The following UGT1A5 variants were observed in gnomAD, a reference collection of about 807,000 sequenced individuals.
UGT1A5 encodes the protein UDP-glucuronosyltransferase 1A5.
Under a neutral mutation model 40.3 loss-of-function variants are expected in UGT1A5, and 29 were observed. The ratio of observed to expected loss-of-function variants is 0.72; its 90% confidence interval spans 0.54 to 0.98. UGT1A5 has a LOEUF of 0.98. Ranked by LOEUF, UGT1A5 falls within the 50% of genes least tolerant of loss-of-function variation. The pLI is 0.00. For synonymous variants in UGT1A5, 257 were observed against 262.5 expected (o/e 0.98, Z 0.20); for missense variants, 678 against 677.9 (o/e 1.00, Z 0.00).
At chr2:233,722,546 CT>C (rs1401717702) in intron 1 of UGT1A5, among the ~76,000 whole-genome samples, 1 of 152,096 alleles carries the variant, frequency 6.6e-6, no homozygotes, top group East Asian at 1.9e-4. Context: ...ATCCTAGTTT[CT>C]TTTGGTTGAT....
rs753512191 is a variant in UGT1A5 at position 233,755,032 on chromosome 2, C to T, written c.868-12002C>T. The T allele has an allele frequency of 5.3e-6, 7 of 1,314,500 alleles. No individual in the cohort carries two copies. In the Admixed American group the frequency reaches 9.5e-5, roughly 18 times the overall value. The allele number at this position is 1,314,500 out of a possible 1,614,324, so 81.4% of individuals were successfully genotyped here. A position where few individuals can be genotyped will look rare whatever the true frequency, so the allele number is the denominator to read the frequency against. ...TCGAAGGGGTCCTTGAAGGGCCTGC[C>T]GCCTGCGCAGCCGCCCTCCGCCCTC... On this transcript the variant is annotated intron_variant, in intron 1 of 4. Coordinates refer to ENST00000373414, the MANE Select transcript of UGT1A5 (RefSeq NM_019078.2).
chr2:233,713,649 C>A lies in UGT1A5; in HGVS notation c.658C>A (p.Leu220Met), dbSNP rs2076336502. 5.6e-6 allele frequency: 9 copies of A among 1,613,872 alleles called. No individual in the cohort carries two copies. The East Asian group carries it at 2.0e-4, about 36-fold the overall frequency. The change falls in exon 1 of 5, where the codon CTG becomes ATG. Residue 220 changes from leucine to methionine, a missense_variant. Transcript: ENST00000373414. ...CAAGAACATGCTCTACCCTCTGGCC[C>A]TGTCCTACCTTTGCCATGCTGTTTC... is the stretch of plus-strand genomic sequence containing the variant. ...RVKNMLYPLA[L>M]SYLCHAVSAP...
At chr2:233,762,868 G>A (rs998975258) in intron 1 of UGT1A5, among the ~76,000 whole-genome samples, 2 of 151,940 alleles carry the variant, frequency 1.3e-5, no homozygotes, top group Non-Finnish European at 2.9e-5. Context: ...AGAAATTTTG[G>A]TTTCTTCTCT....
Position 233,747,361 on chromosome 2 carries a change from A to T in UGT1A5, c.868-19673A>T, listed in dbSNP as rs1260496106. 17 of 1,603,206 alleles carry T rather than the reference A, an allele frequency of 1.1e-5. No individual in the cohort carries two copies. In the African/African-American group the frequency reaches 1.9e-4, roughly 18 times the overall value. On this transcript the variant is annotated intron_variant, in intron 1 of 4. Coordinates refer to ENST00000373414, the MANE Select transcript of UGT1A5 (RefSeq NM_019078.2). Reference sequence around the variant, plus strand: ...GCTCGCATGCGGGAGGCCGTGCGGGAGCTCCATGCCAGAGGCCACCAGGCG... The same window carrying T: ...GCTCGCATGCGGGAGGCCGTGCGGGTGCTCCATGCCAGAGGCCACCAGGCG...
At chr2:233,730,394 T>C (rs1343780073) in intron 1 of UGT1A5, among the ~76,000 whole-genome samples, 2 of 152,242 alleles carry the variant, frequency 1.3e-5, no homozygotes, top group Non-Finnish European at 2.9e-5. Context: ...GATGCAACAG[T>C]AAATTACAAT....
chr2:233,712,970 G>A lies in UGT1A5; in HGVS notation c.-22G>A. The A allele has an allele frequency of 6.2e-7, 1 of 1,613,036 alleles. No homozygotes were observed. ...AGGCACAACGTGGGGTGGACAGTCAGCTGTCGGTGGCTTCTGCTGAGATGG... is the reference window on the plus strand; with the variant it reads ...AGGCACAACGTGGGGTGGACAGTCAACTGTCGGTGGCTTCTGCTGAGATGG... On this transcript the variant is annotated 5_prime_UTR_variant, in exon 1 of 5. Transcript: ENST00000373414.
At chr2:233,763,395 T>C (rs1347086472) in intron 1 of UGT1A5, among the ~76,000 whole-genome samples, 2 of 152,256 alleles carry the variant, frequency 1.3e-5, no homozygotes, top group African/African-American at 2.4e-5. Context: ...TTAAACAACA[T>C]GGCACTGGTA....
chr2:233,760,508 A>G (rs983416663), intron 1 of UGT1A5: 1 of 1,614,272 alleles, frequency 6.2e-7, no homozygotes, highest in Non-Finnish European at 8.5e-7. Flanking sequence ...GGAGCATTTT[A>G]CACCTTGAAG....
chr2:233,742,497 T>C (rs1691999391), intron 1 of UGT1A5, among the ~76,000 whole-genome samples: 1 of 151,968 alleles, frequency 6.6e-6, no homozygotes, highest in Non-Finnish European at 1.5e-5. Flanking sequence ...ATAGGCATCA[T>C]GGCTATCATG....
intron 1 of UGT1A5, among the ~76,000 whole-genome samples, chr2:233,716,770 G>C (rs1477452949): frequency 6.6e-6 from 1 of 152,158 alleles, no homozygotes; most frequent in African/African-American, 2.4e-5. Context: ...GATCACTCAG[G>C]TCAGGCTTTC....
intron 1 of UGT1A5, chr2:233,747,298 G>T: frequency 6.2e-7 from 1 of 1,602,264 alleles, no homozygotes; most frequent in Non-Finnish European, 8.5e-7. Flanking sequence ...GGCTGAGAGT[G>T]GGAAGGTGCT....
intron 1 of UGT1A5, chr2:233,717,875 A>G: frequency 2.2e-6 from 1 of 454,872 alleles, no homozygotes; most frequent in Non-Finnish European, 4.4e-6. Flanking sequence ...GACTTGGAGA[A>G]AAGCCTGGCC....
chr2:233,727,755 T>C (rs79983684), intron 1 of UGT1A5, among the ~76,000 whole-genome samples: 5,633 of 152,308 alleles, frequency 0.037, 134 homozygotes, highest in Non-Finnish European at 0.057. Context: ...TGTGCTGCCC[T>C]TGAGCTGGGT....
Position 233,769,884 on chromosome 2 carries a change from C to T in UGT1A5, c.1307+1445C>T, listed in dbSNP as rs1466829536. On this transcript the variant is annotated intron_variant, in intron 4 of 4. Transcript: ENST00000373414. The surrounding 1 kb of genome is among the most constrained non-coding windows in gnomAD (Gnocchi z 4.4). The stretch of plus-strand genomic sequence containing the variant: ...AAAAAAAAAAAAAAAATGAAAAGTC[C>T]ACATAACCTGAGCATCATGTGCCCA... 5.0e-6 allele frequency: 2 copies of T among 403,872 alleles called. No individual in the cohort carries two copies. Among genetic ancestry groups the T allele is most frequent in the Non-Finnish European group, 8.7e-6 (2 of 230,852 alleles). 25.0% of individuals were successfully genotyped at this position (403,872 alleles called of 1,614,324 possible).
intron 4 of UGT1A5, 26 bp downstream of exon 4, chr2:233,768,465 C>T: frequency 6.2e-7 from 1 of 1,606,188 alleles, no homozygotes; most frequent in Non-Finnish European, 8.5e-7. Context: ...CAGAAGAATA[C>T]TTTGGTCATG....
chr2:233,743,852 G>A (rs770873874), intron 1 of UGT1A5: 10 of 1,367,226 alleles, frequency 7.3e-6, no homozygotes, highest in East Asian at 9.1e-5. Flanking sequence ...CTTGCGGTAC[G>A]CCTTCTTGAT....
At chr2:233,756,155 A>G (rs1696135469) in intron 1 of UGT1A5, 2 of 152,312 alleles carry the variant, frequency 1.3e-5, no homozygotes, top group South Asian at 4.1e-4. Context: ...GATCCCTAGG[A>G]TTTCCTGGCT....
intron 1 of UGT1A5, chr2:233,729,814 C>A (rs776482922): frequency 5.0e-6 from 8 of 1,613,896 alleles, no homozygotes; most frequent in Non-Finnish European, 6.8e-6. Flanking sequence ...TTTTTCTGCT[C>A]CTTATGCAAG....
chr2:233,768,399 G>A lies in UGT1A5; in HGVS notation c.1267G>A (p.Asp423Asn). ...TLNVLEMTSE[D>N]LENALKAVIN... ...GAATGTTCTGGAAATGACTTCTGAA[G>A]ATTTAGAAAATGCTCTAAAAGCAGT... Residue 423 changes from aspartate to asparagine, a missense_variant, in exon 4 of 5, where the codon GAT (aspartate) becomes AAT (asparagine). Physicochemically the swap from Asp to Asn is conservative, Grantham distance 23 (BLOSUM62 1). Coordinates refer to ENST00000373414, the MANE Select transcript of UGT1A5 (RefSeq NM_019078.2). 2 of 1,614,194 alleles carry A rather than the reference G, an allele frequency of 1.2e-6. No individual in the cohort carries two copies. Among genetic ancestry groups the A allele is most frequent in the African/African-American group, 2.7e-5 (2 of 75,034 alleles).
Sources: gnomAD v4.1 joint callset for allele counts (sites outside exome capture counted in the v4.1 genomes callset) on GRCh38, gnomAD v4.1.1 for gene constraint, Gnocchi (gnomAD v3.1) non-coding constraint, MANE v1.5 for transcripts, NCBI Gene and HGNC (gene_info 2026-07-23, HGNC 2026-07-21) for gene names.